SEL1L: variants seen among roughly 807,000 people sequenced by gnomAD.
SEL1L encodes the protein SEL1L adaptor subunit of SYVN1 ubiquitin ligase, also known as protein sel-1 homolog 1.
A neutral mutation model predicts 109.8 loss-of-function variants in SEL1L; 52 were observed. The ratio of observed to expected loss-of-function variants is 0.47; its 90% CI spans 0.38 to 0.60. The LOEUF (loss-of-function observed/expected upper bound fraction) is 0.60, where lower values mean the gene tolerates loss of function less well. Ranked by LOEUF, SEL1L falls within the 20% of genes least tolerant of loss-of-function variation. SEL1L has a pLI of 0.00. For synonymous variants in SEL1L, 373 were observed against 339.6 expected, an observed-to-expected ratio of 1.10 and a Z score of -1.08; for missense variants, 749 against 962.2, an observed-to-expected ratio of 0.78 and a Z score of 2.93.
chr14:81,499,227 G>A (rs1883901819), intron 8 of SEL1L: 2 of 1,213,178 alleles, frequency 1.6e-6, no homozygotes, highest in Non-Finnish European at 2.0e-6. Flanking sequence ...CTTTTTAGGG[G>A]CAATCAGCCA....
intron 6 of SEL1L, among the ~76,000 whole-genome samples, chr14:81,499,975 G>T (rs900834316): frequency 1.2e-4 from 16 of 138,088 alleles, no homozygotes; most frequent in African/African-American, 4.4e-4. Context: ...GCACGATCCT[G>T]GCTCACTGCA....
At chr14:81,507,862 T>C (rs995146899) in intron 3 of SEL1L, among the ~76,000 whole-genome samples, 6 of 152,186 alleles carry the variant, frequency 3.9e-5, no homozygotes, top group African/African-American at 1.2e-4. Flanking sequence ...AGCTCGGTCA[T>C]GAAGGGTATA....
intron 10 of SEL1L, among the ~76,000 whole-genome samples, chr14:81,496,819 T>C (rs539599887): frequency 6.6e-6 from 1 of 152,174 alleles, no homozygotes; most frequent in Non-Finnish European, 1.5e-5. Context: ...AAAACAACAG[T>C]ATCTCATGGT....
chr14:81,493,249 C>T (rs1324882486), intron 11 of SEL1L, among the ~76,000 whole-genome samples: 1 of 152,204 alleles, frequency 6.6e-6, no homozygotes, highest in Non-Finnish European at 1.5e-5. Context: ...GTGGCTCTCA[C>T]CTGTAATCCC....
At chr14:81,485,306 C>T (rs966554490) in intron 18 of SEL1L, among the ~76,000 whole-genome samples, 3 of 152,148 alleles carry the variant, frequency 2.0e-5, no homozygotes, top group East Asian at 1.9e-4. Flanking sequence ...GAAGGAGTCT[C>T]GCTCTGTCGC....
intron 3 of SEL1L, among the ~76,000 whole-genome samples, chr14:81,524,643 G>A (rs1361759636): frequency 6.6e-6 from 1 of 152,202 alleles, no homozygotes; most frequent in Non-Finnish European, 1.5e-5. Flanking sequence ...AGGCCAAGGT[G>A]GGCAGATCAC....
intron 11 of SEL1L, among the ~76,000 whole-genome samples, chr14:81,493,000 G>A (rs888474583): frequency 2.0e-5 from 3 of 152,162 alleles, no homozygotes; most frequent in African/African-American, 7.2e-5. Flanking sequence ...CTCTTGTACT[G>A]TTTAGAGAAA....
chr14:81,485,630 A>C (rs1206054290), intron 18 of SEL1L, 42 bp downstream of exon 18: 1 of 1,482,788 alleles, frequency 6.7e-7, no homozygotes, highest in Middle Eastern at 1.7e-4. Flanking sequence ...CAACATAGGG[A>C]GGTCCCTGGG....
chr14:81,487,565 GATA>G, intron 15 of SEL1L, 27 bp from the exon 16 acceptor site: 1 of 1,584,706 alleles, frequency 6.3e-7, no homozygotes. Flanking sequence ...AATCACACGA[GATA>G]ATAGACTTAA....
At chr14:81,521,521 G>A (rs1884905435) in intron 3 of SEL1L, among the ~76,000 whole-genome samples, 1 of 152,204 alleles carries the variant, frequency 6.6e-6, no homozygotes, top group African/African-American at 2.4e-5. Flanking sequence ...GACAGACTGT[G>A]TATACCATGG....
At chr14:81,526,672 A>G in intron 3 of SEL1L, 61 bp downstream of exon 3, 1 of 1,240,286 alleles carries the variant, frequency 8.1e-7, no homozygotes, top group Non-Finnish European at 1.2e-6. Context: ...TTTATTCATT[A>G]GCTTAAAATT....
Position 81,502,053 on chromosome 14 carries a change from C to A in SEL1L, c.777+668G>T, listed in dbSNP as rs968532464. 2.0e-5 allele frequency among the ~76,000 whole-genome samples: 3 copies of A among 150,950 alleles called. No homozygotes were observed. The Admixed American group carries it at 2.0e-4, about 10-fold the overall frequency. On this transcript the variant is annotated intron_variant, in intron 6 of 20. Coordinates refer to ENST00000336735, the MANE Select transcript of SEL1L (RefSeq NM_005065.6). ...GTCCTGGATTGAATACTGGTTTGGA[C>A]AAAACAGGTATAAAGAAAATTTTTG...
chr14:81,527,023 T>C (rs1032164498), intron 2 of SEL1L, 59 bp from the exon 3 acceptor site: 2 of 1,262,814 alleles, frequency 1.6e-6, no homozygotes, highest in Non-Finnish European at 2.3e-6. Flanking sequence ...CAACCCTATT[T>C]GACCGTTATT....
At chr14:81,503,337 CT>C (rs548906591) in intron 5 of SEL1L, among the ~76,000 whole-genome samples, 23 of 152,026 alleles carry the variant, frequency 1.5e-4, no homozygotes, top group Non-Finnish European at 2.9e-4. Context: ...AAAAACATCC[CT>C]TTTTTTAATT....
At chr14:81,526,619 T>C in intron 3 of SEL1L, 114 bp downstream of exon 3, 1 of 783,492 alleles carries the variant, frequency 1.3e-6, no homozygotes, top group Admixed American at 2.3e-5. Context: ...CTCCATATAT[T>C]ATTTGTGGGT....
Position 81,485,691 on chromosome 14 carries a change from C to A in SEL1L, c.1854G>T (p.Trp618Cys). ...ACTTACCTTGAGAGGCGGCCCTGTT[C>A]CAATGTAGCAAAGCTCTGGGATAAG... ...NETYPRALLH[W>C]NRAASQGYTV... Residue 618 changes from tryptophan (W) to cysteine (C), a missense_variant, in exon 18 of 21, where the codon TGG becomes TGT. By Grantham distance (215) the Trp-to-Cys change is radical (BLOSUM62 -2). This residue lies in a region of SEL1L where 383 missense variants were observed against 562.5 expected (regional missense o/e 0.68). Coordinates refer to ENST00000336735, the MANE Select transcript of SEL1L (RefSeq NM_005065.6). The A allele has an allele frequency of 6.2e-7, 1 of 1,613,980 alleles. No homozygotes were observed. Among genetic ancestry groups the A allele is most frequent in the Non-Finnish European group, 8.5e-7 (1 of 1,179,946 alleles).
Position 81,475,069 on chromosome 14 carries a change from A to G in SEL1L, c.*1903T>C, listed in dbSNP as rs3208229. On this transcript the variant is annotated 3_prime_UTR_variant, in exon 21 of 21. Coordinates refer to ENST00000336735, the MANE Select transcript of SEL1L (RefSeq NM_005065.6). ...TAAATAAATTATAACAGTTCCTTCT[A>G]AAGGAAGTGTGGCTGCTACCGTGGA... is the stretch of plus-strand genomic sequence containing the variant. 58,536 of 152,056 alleles carry G rather than the reference A, an allele frequency of 0.38. 13,281 individuals are homozygous for G. Among genetic ancestry groups the G allele is most frequent in the East Asian group, 0.55 (2,833 of 5,154 alleles). 9.4% of individuals were successfully genotyped at this position (152,056 alleles called of 1,614,324 possible).
intron 18 of SEL1L, 153 bp from the exon 19 acceptor site, chr14:81,484,550 T>C (rs1903461205): frequency 1.5e-6 from 1 of 678,638 alleles, no homozygotes; most frequent in Non-Finnish European, 2.3e-6. Flanking sequence ...AGCCAAGTTA[T>C]AAAGTCCAGT....
At chr14:81,502,939 G>GT in intron 5 of SEL1L, 56 bp from the exon 6 acceptor site, 2 of 1,441,326 alleles carry the variant, frequency 1.4e-6, no homozygotes, top group Non-Finnish European at 1.9e-6. Context: ...CTGCCATTAA[G>GT]TTTTTTTGAT....
Sources: gnomAD v4.1 joint callset for allele counts (sites outside exome capture counted in the v4.1 genomes callset) on GRCh38, gnomAD v4.1.1 for gene constraint, gnomAD v4.1.1 regional missense constraint, MANE v1.5 for transcripts, NCBI Gene and HGNC (gene_info 2026-07-23, HGNC 2026-07-21) for gene names.